The following ELL2 variants were observed in gnomAD, a reference collection of about 807,000 sequenced individuals.
The protein encoded by ELL2 is RNA polymerase II elongation factor ELL2.
ELL2 carries 21 observed loss-of-function variants against 72.8 expected under a neutral mutation model. That is an observed-to-expected ratio of 0.29 (90% CI 0.20 to 0.42). The LOEUF (loss-of-function observed/expected upper bound fraction) is 0.42, where lower values mean the gene tolerates loss of function less well. Among genes scored for constraint, ELL2 ranks in the 10% least tolerant of loss-of-function variants. The pLI is 1.00. For missense variants in ELL2, 568 were observed against 772.8 expected, an observed-to-expected ratio of 0.73 and a Z score of 3.14; for synonymous variants, 266 against 283.2, an observed-to-expected ratio of 0.94 and a Z score of 0.61.
intron 1 of ELL2, among the ~76,000 whole-genome samples, 161 bp downstream of exon 1, chr5:95,961,414 G>C (rs1458277791): frequency 6.6e-6 from 1 of 151,668 alleles, no homozygotes; most frequent in East Asian, 2.0e-4. Context: ...CCGGGACCGC[G>C]GCGTCAGCCA....
intron 8 of ELL2, among the ~76,000 whole-genome samples, chr5:95,896,166 GA>G (rs2112272788): frequency 6.6e-6 from 1 of 152,324 alleles, no homozygotes; most frequent in East Asian, 1.9e-4. Flanking sequence ...TTTGTATGCA[GA>G]CAGTGGAATT....
chr5:95,933,347 A>G (rs1166483365), intron 2 of ELL2, among the ~76,000 whole-genome samples: 1 of 152,230 alleles, frequency 6.6e-6, no homozygotes, highest in African/African-American at 2.4e-5. Flanking sequence ...ACGGATTTTA[A>G]TCATACCATT....
chr5:95,889,051 C>T (rs1167409071), intron 11 of ELL2, 35 bp downstream of exon 11: 2 of 1,590,720 alleles, frequency 1.3e-6, no homozygotes, highest in East Asian at 4.5e-5. Flanking sequence ...CATTTTTCAA[C>T]CACAGGTCAG....
intron 9 of ELL2, among the ~76,000 whole-genome samples, chr5:95,893,628 G>A (rs965477258): frequency 8.5e-5 from 13 of 152,130 alleles, no homozygotes; most frequent in South Asian, 4.2e-4. Context: ...CTCGTGATCC[G>A]CCCACCTCGG....
In ELL2 at chr5:95,913,926, G is replaced by C. The variant is rs759166513; in HGVS notation, c.326C>G (p.Ala109Gly). ...CIQQTFSSSGASQLNCLGFIQ... is the reference protein window; with the variant it reads ...CIQQTFSSSGGSQLNCLGFIQ... ...AAATCCCAGGCAATTGAGCTGGGAG[G>C]CTCCAGAGCTGTCAAGTAAGTCAGT... The change falls in exon 4 of 12, where the codon GCC becomes GGC. Residue 109 changes from alanine to glycine, a missense_variant. Transcript: ENST00000237853. The C allele has an allele frequency of 2.5e-6, 4 of 1,592,788 alleles. No individual in the cohort carries two copies. In the South Asian group the frequency reaches 3.4e-5, roughly 14 times the overall value.
intron 2 of ELL2, among the ~76,000 whole-genome samples, chr5:95,921,499 G>A (rs2112313742): frequency 6.6e-6 from 1 of 152,284 alleles, no homozygotes; most frequent in South Asian, 2.1e-4. Flanking sequence ...CTAAAGTGCT[G>A]TAACTTTGTG....
intron 4 of ELL2, among the ~76,000 whole-genome samples, chr5:95,908,621 C>T (rs1749466645): frequency 6.6e-6 from 1 of 152,152 alleles, no homozygotes; most frequent in Admixed American, 6.5e-5. Flanking sequence ...CGTTGCCAGG[C>T]TGCCAGTGTG....
intron 3 of ELL2, among the ~76,000 whole-genome samples, chr5:95,914,557 C>A (rs547766025): frequency 3.3e-4 from 50 of 152,140 alleles, no homozygotes; most frequent in African/African-American, 1.2e-3. Flanking sequence ...ATTTTTATAG[C>A]AATTTTTTTT....
At chr5:95,891,973 G>A (rs1748681796) in intron 9 of ELL2, among the ~76,000 whole-genome samples, 1 of 152,182 alleles carries the variant, frequency 6.6e-6, no homozygotes, top group Non-Finnish European at 1.5e-5. Context: ...ACAAAAGCCA[G>A]TGTTGTACTA....
At chr5:95,913,651 C>T in intron 4 of ELL2, 120 bp downstream of exon 4, 2 of 1,180,292 alleles carry the variant, frequency 1.7e-6, no homozygotes, top group Non-Finnish European at 1.2e-6. Flanking sequence ...CCATGTTATC[C>T]AAAATGTTCT....
chr5:95,916,661 G>T (rs1294007052), intron 3 of ELL2, among the ~76,000 whole-genome samples: 2 of 152,082 alleles, frequency 1.3e-5, no homozygotes, highest in African/African-American at 2.4e-5. Context: ...CCAGACTTTG[G>T]GTTGAGAAGT....
intron 5 of ELL2, 104 bp downstream of exon 5, chr5:95,906,419 A>AT: frequency 1.6e-6 from 2 of 1,273,770 alleles, no homozygotes; most frequent in Non-Finnish European, 2.1e-6. Flanking sequence ...TAATCCTAAA[A>AT]TTTCTCTATC....
intron 1 of ELL2, among the ~76,000 whole-genome samples, chr5:95,948,334 G>A (rs1751247078): frequency 6.7e-6 from 1 of 150,236 alleles, no homozygotes; most frequent in Non-Finnish European, 1.5e-5. Flanking sequence ...GGAGGCTGAG[G>A]CAGGAGAATG....
chr5:95,913,922 G>A lies in ELL2; in HGVS notation c.330C>T (p.Ser110=). The change falls in exon 4 of 12, where the codon TCC becomes TCT. Residue 110 remains serine, a synonymous_variant. Transcript: ENST00000237853. Reference sequence around the variant, plus strand: ...GTATAAATCCCAGGCAATTGAGCTGGGAGGCTCCAGAGCTGTCAAGTAAGT... The same window carrying A: ...GTATAAATCCCAGGCAATTGAGCTGAGAGGCTCCAGAGCTGTCAAGTAAGT... ...IQQTFSSSGA[S]QLNCLGFIQD... 6.2e-7 allele frequency: 1 copy of A among 1,603,096 alleles called. No individual in the cohort carries two copies. The highest frequency in any genetic ancestry group is 8.5e-7 in the Non-Finnish European group (1 of 1,175,530).
chr5:95,893,424 G>A (rs553052635), intron 9 of ELL2, among the ~76,000 whole-genome samples: 10 of 152,084 alleles, frequency 6.6e-5, no homozygotes, highest in African/African-American at 1.9e-4. Flanking sequence ...TTGCTCTGTC[G>A]CCCAGGCTGG....
At chr5:95,950,857 G>C (rs1003455069) in intron 1 of ELL2, among the ~76,000 whole-genome samples, 2 of 137,966 alleles carry the variant, frequency 1.4e-5, no homozygotes, top group South Asian at 2.3e-4. Context: ...GTGGCTATCT[G>C]ATACATGCCA....
intron 2 of ELL2, among the ~76,000 whole-genome samples, chr5:95,938,511 G>A (rs950504148): frequency 6.6e-6 from 1 of 152,124 alleles, no homozygotes; most frequent in East Asian, 1.9e-4. Context: ...ATTGCTTGAA[G>A]CCAGGAATTT....
intron 5 of ELL2, among the ~76,000 whole-genome samples, chr5:95,904,926 G>A (rs540396986): frequency 6.6e-6 from 1 of 152,256 alleles, no homozygotes; most frequent in Admixed American, 6.5e-5. Flanking sequence ...CACTGTGCCT[G>A]GCACATAGTA....
In ELL2 at chr5:95,891,184, G is replaced by C; in HGVS notation, c.1680C>G (p.Ala560=). The C allele has an allele frequency of 6.2e-7, 1 of 1,614,052 alleles. No individual in the cohort carries two copies. The highest frequency in any genetic ancestry group is 2.2e-5 in the East Asian group (1 of 44,882). The change falls in exon 10 of 12, where the codon GCC becomes GCG. Residue 560 remains alanine (A), a synonymous_variant. Transcript: ENST00000237853. ...ATCTTCTAGCTACAGTCTCCATCCT[G>C]GCATGCAAAGCTCTGTACTCATCAT... The part of the protein sequence containing the change: ...AEYDEYRALH[A]RMETVARRFI...
Sources: allele counts gnomAD v4.1 joint callset (sites outside exome capture counted in the v4.1 genomes callset), GRCh38; gene constraint gnomAD v4.1.1; transcripts MANE v1.5; gene names NCBI Gene and HGNC (gene_info 2026-07-23, HGNC 2026-07-21).